UNC5CL: variants seen among roughly 807,000 people sequenced by gnomAD.
UNC5CL encodes UNC5C-like protein.
Under a neutral mutation model 54.1 loss-of-function variants are expected in UNC5CL, and 42 were observed. The ratio of observed to expected loss-of-function variants is 0.78; its 90% CI spans 0.61 to 1.00. The LOEUF (loss-of-function observed/expected upper bound fraction) is 1.00, where lower values mean the gene tolerates loss of function less well. UNC5CL is among the 50% of genes least tolerant of loss of function. The pLI is 0.00. For missense variants in UNC5CL, 619 were observed against 675.6 expected, an observed-to-expected ratio of 0.92 and a Z score of 0.93; for synonymous variants, 285 against 285.1, an observed-to-expected ratio of 1.00 and a Z score of 0.00.
chr6:41,032,205 T>G, intron 4 of UNC5CL, 68 bp from the exon 5 acceptor site: 1 of 1,307,708 alleles, frequency 7.6e-7, no homozygotes, highest in Non-Finnish European at 1.1e-6. Context: ...AAGGGGGCTG[T>G]GGGGAGGCAT....
rs185517949 is a variant in UNC5CL, at chr6:41,026,981, G to A, written c.*1392C>T. ...GTGTTGCCAGAGAGATTGTTTGCCTGCCTTTGAACAAATTAACAACACCTG... is the reference window on the plus strand; with the variant it reads ...GTGTTGCCAGAGAGATTGTTTGCCTACCTTTGAACAAATTAACAACACCTG... On this transcript the variant is annotated 3_prime_UTR_variant, in exon 9 of 9. Coordinates refer to ENST00000244565, the MANE Select transcript of UNC5CL (RefSeq NM_173561.3). 23 of 152,278 alleles carry A rather than the reference G, an allele frequency of 1.5e-4. No individual in the cohort carries two copies. The highest frequency in any genetic ancestry group is 5.5e-4 in the African/African-American group (23 of 41,550). 9.4% of individuals were successfully genotyped at this position (152,278 alleles called of 1,614,324 possible).
At position 41,028,933 on chromosome 6, in the gene UNC5CL, A is replaced by G. The variant is rs1004900443; in HGVS notation, c.1335-338T>C. Among the ~76,000 whole-genome samples the G allele has an allele frequency of 1.6e-5, 2 of 128,396 alleles. No individual in the cohort carries two copies. The highest frequency in any genetic ancestry group is 5.9e-5 in the African/African-American group (2 of 33,718). The allele number at this position is 128,396 out of a possible 152,430, so 84.2% of individuals were successfully genotyped here. On this transcript the variant is annotated intron_variant, in intron 8 of 8. Coordinates refer to ENST00000244565, the MANE Select transcript of UNC5CL (RefSeq NM_173561.3). This position sits in a 1 kb window ranked among gnomAD's most constrained non-coding sequence, Gnocchi z 4.3. ...GCCTTCTCTACCTCCCCCACTCCAA[A>G]TACACCCCTAGCCTCCCCCTAGCCT... is the stretch of plus-strand genomic sequence containing the variant.
At chr6:41,033,243 G>A (rs1295432653) in intron 3 of UNC5CL, 97 bp from the exon 4 acceptor site, 4 of 1,446,366 alleles carry the variant, frequency 2.8e-6, no homozygotes, top group Non-Finnish European at 3.7e-6. Context: ...GCCTCTGTGG[G>A]GCCTTCAAGG....
chr6:41,028,455 C>T lies in UNC5CL; in HGVS notation c.1475G>A (p.Ser492Asn). The change falls in exon 9 of 9, where the codon AGT (serine) becomes AAT (asparagine). Residue 492 changes from serine (S) to asparagine (N), a missense_variant. Ser to Asn is a conservative substitution (Grantham distance 46). Coordinates refer to ENST00000244565, the MANE Select transcript of UNC5CL (RefSeq NM_173561.3). The surrounding 1 kb of genome is among the most constrained non-coding windows in gnomAD (Gnocchi z 4.3). ...DCASAIQNYL[S>N]GTHGGSPGPE... ...GCCTGGGCTGCCGCCGTGTGTCCCA[C>T]TCAGGTAGTTCTGGATGGCGGAGGC... 2 of 1,613,812 alleles carry T rather than the reference C, an allele frequency of 1.2e-6. No homozygotes were observed. Among genetic ancestry groups the T allele is most frequent in the Non-Finnish European group, 1.7e-6 (2 of 1,179,964 alleles).
rs1427818557 is a variant in UNC5CL at position 41,033,026 on chromosome 6, G to T, written c.807C>A (p.Phe269Leu). The change falls in exon 4 of 9, where the codon TTC becomes TTA. Residue 269 changes from phenylalanine (F) to leucine (L), a missense_variant. By Grantham distance (22) the Phe-to-Leu change is conservative. Coordinates refer to ENST00000244565, the MANE Select transcript of UNC5CL (RefSeq NM_173561.3). ...GQSHLQLRIYFLNNTPCALQW... is the reference protein window; with the variant it reads ...GQSHLQLRIYLLNNTPCALQW... ...GCAGGGCGCAGGGCGTGTTGTTGAG[G>T]AAGTAGATACGCAGTTGCAGATGGG... 1.2e-6 allele frequency: 2 copies of T among 1,610,136 alleles called. No homozygotes were observed. Among genetic ancestry groups the T allele is most frequent in the African/African-American group, 1.3e-5 (1 of 74,908 alleles).
rs369228384 is a variant in UNC5CL at position 41,032,048 on chromosome 6, G to C, written c.1039C>G (p.Arg347Gly). Residue 347 changes from arginine to glycine, a missense_variant, in exon 5 of 9, where the codon CGG (arginine) becomes GGG (glycine). Arg to Gly is a moderately radical substitution (Grantham distance 125). Transcript: ENST00000244565. The part of the protein sequence containing the change: ...GKCPFRSFCF[R>G]RKAADENEDC... ...GCTCCCGGACTACCTGCTTTTCTCCGGAAGCAGAAGGAGCGGAAGGGGCAC... is the reference window on the plus strand; with the variant it reads ...GCTCCCGGACTACCTGCTTTTCTCCCGAAGCAGAAGGAGCGGAAGGGGCAC... The C allele has an allele frequency of 6.2e-7, 1 of 1,613,992 alleles. No homozygotes were observed. Among genetic ancestry groups the C allele is most frequent in the Admixed American group, 1.7e-5 (1 of 60,000 alleles).
chr6:41,028,585 AGGACAGGAACCTGGCCCGAGGTAG>A lies in UNC5CL; in HGVS notation c.1335-14_1344del. 6.2e-7 allele frequency: 1 copy of A among 1,613,246 alleles called. No homozygotes were observed. The highest frequency in any genetic ancestry group is 8.5e-7 in the Non-Finnish European group (1 of 1,179,920). Reference sequence around the variant, plus strand: ...ATGGCCGCTGCGGGGCTGCGCTGGCAGGACAGGAACCTGGCCCGAGGTAGGGGAGGAAGAGAAGGGTGTAGGAGC... The same window carrying A: ...ATGGCCGCTGCGGGGCTGCGCTGGCAGGGAGGAAGAGAAGGGTGTAGGAGC... On this transcript the variant is annotated splice_acceptor_variant and splice_polypyrimidine_tract_variant and coding_sequence_variant and intron_variant, in exon 9 of 9. Transcript: ENST00000244565. LOFTEE classifies it high-confidence loss of function. This position sits in a 1 kb window ranked among gnomAD's most constrained non-coding sequence, Gnocchi z 4.3.
At position 41,027,837 on chromosome 6, in the gene UNC5CL, T is replaced by G. The variant is rs1311738988; in HGVS notation, c.*536A>C. ...GCATTCTCGCTGCTCCAGCCCGCAC[T>G]CAGCTCTTCCCCTCTCAACTCCTAA... On this transcript the variant is annotated 3_prime_UTR_variant, in exon 9 of 9. Coordinates refer to ENST00000244565, the MANE Select transcript of UNC5CL (RefSeq NM_173561.3). The G allele has an allele frequency of 6.5e-6, 1 of 152,858 alleles. No individual in the cohort carries two copies. The highest frequency in any genetic ancestry group is 6.5e-5 in the Admixed American group (1 of 15,282). 9.5% of individuals were successfully genotyped at this position (152,858 alleles called of 1,614,324 possible).
In UNC5CL at chr6:41,034,323, C is replaced by G. The variant is rs60229052; in HGVS notation, c.386-142G>C. ...AGGGCACACAGGGAAGTGGTATGAA[C>G]AAGAGTAAGACGACTGTGGAGCTGA... On this transcript the variant is annotated intron_variant, in intron 2 of 8. Transcript: ENST00000244565. The G allele has an allele frequency of 1.4e-3, 1,441 of 1,010,636 alleles. 14 individuals carry two copies. In the African/African-American group the frequency reaches 0.02, roughly 14 times the overall value. 62.6% of individuals were successfully genotyped at this position (1,010,636 alleles called of 1,614,324 possible).
At position 41,035,328 on chromosome 6, in the gene UNC5CL, A is replaced by T. The variant is rs1342519454; in HGVS notation, c.-61-193T>A. Among the ~76,000 whole-genome samples, 4 of 152,216 alleles carry T rather than the reference A, an allele frequency of 2.6e-5. No individual in the cohort carries two copies. The East Asian group carries it at 7.7e-4, about 29-fold the overall frequency. On this transcript the variant is annotated intron_variant, in intron 1 of 8. Coordinates refer to ENST00000244565, the MANE Select transcript of UNC5CL (RefSeq NM_173561.3). Reference sequence around the variant, plus strand: ...CCCCGTGACCTAATACATCAAGGTAAACTGTTCTGAAGCAGAGTGAGCTTG... The same window carrying T: ...CCCCGTGACCTAATACATCAAGGTATACTGTTCTGAAGCAGAGTGAGCTTG...
chr6:41,027,594 TAA>T lies in UNC5CL; in HGVS notation c.*777_*778del. On this transcript the variant is annotated 3_prime_UTR_variant, in exon 9 of 9. Transcript: ENST00000244565. The stretch of plus-strand genomic sequence containing the variant: ...GGAAGACACGGCCTAAGCAGGAGGA[TAA>T]AGAGACAAAGGAAGTTAGTAGAGGC... The T allele has an allele frequency of 6.6e-6, 1 of 152,166 alleles. No homozygotes were observed. The highest frequency in any genetic ancestry group is 3.4e-3 in the Middle Eastern group (1 of 292). 9.4% of individuals were successfully genotyped at this position (152,166 alleles called of 1,614,324 possible).
rs1561828661 is a variant in UNC5CL at position 41,028,829 on chromosome 6, G to A, written c.1335-234C>T. Among the ~76,000 whole-genome samples, 1 of 152,100 alleles carries A rather than the reference G, an allele frequency of 6.6e-6. No individual in the cohort carries two copies. Among genetic ancestry groups the A allele is most frequent in the Non-Finnish European group, 1.5e-5 (1 of 68,008 alleles). Reference sequence around the variant, plus strand: ...AACTCTGACCCCTACTCCTCTCTAGGCTTCAGTTTCCTCTTATTAAGATGA... The same window carrying A: ...AACTCTGACCCCTACTCCTCTCTAGACTTCAGTTTCCTCTTATTAAGATGA... On this transcript the variant is annotated intron_variant, in intron 8 of 8. Coordinates refer to ENST00000244565, the MANE Select transcript of UNC5CL (RefSeq NM_173561.3). The surrounding 1 kb of genome is among the most constrained non-coding windows in gnomAD (Gnocchi z 4.3).
rs1270970031 is a variant in UNC5CL, at chr6:41,030,488, G to A, written c.1234C>T (p.Leu412Phe). 6.2e-7 allele frequency: 1 copy of A among 1,614,210 alleles called. No individual in the cohort carries two copies. The highest frequency in any genetic ancestry group is 8.5e-7 in the Non-Finnish European group (1 of 1,180,044). The change falls in exon 8 of 9, where the codon CTC (leucine) becomes TTC (phenylalanine). Residue 412 changes from leucine (L) to phenylalanine (F), a missense_variant. Transcript: ENST00000244565. ...PPPCNRLPPE[L>F]FEQLRMLLEP... Reference sequence around the variant, plus strand: ...AATAACATCCGCAGCTGCTCAAAGAGCTCTGGGGGCAGCCTTAGGCAGGGA... The same window carrying A: ...AATAACATCCGCAGCTGCTCAAAGAACTCTGGGGGCAGCCTTAGGCAGGGA...
intron 2 of UNC5CL, 113 bp from the exon 3 acceptor site, chr6:41,034,294 C>A: frequency 8.1e-7 from 1 of 1,237,812 alleles, no homozygotes. Flanking sequence ...GAGAGACCCC[C>A]AGCAGGGCAC....
Position 41,034,681 on chromosome 6 carries a change from A to G in UNC5CL, c.385+9T>C. On this transcript the variant is annotated intron_variant, in intron 2 of 8. Coordinates refer to ENST00000244565, the MANE Select transcript of UNC5CL (RefSeq NM_173561.3). ...ACTGTATGCGGAGATGAGAGCCAGG[A>G]GCTGTTACCTGGTGGGATGAGCAAG... is the stretch of plus-strand genomic sequence containing the variant. 1 of 1,598,878 alleles carries G rather than the reference A, an allele frequency of 6.3e-7. No homozygotes were observed. The highest frequency in any genetic ancestry group is 1.3e-5 in the African/African-American group (1 of 75,008).
intron 1 of UNC5CL, among the ~76,000 whole-genome samples, chr6:41,036,986 A>G (rs747571890): frequency 1.3e-5 from 2 of 148,526 alleles, no homozygotes; most frequent in African/African-American, 5.0e-5. Flanking sequence ...TAGCCTGCCC[A>G]GGCTCCCCAC....
chr6:41,029,886 G>A lies in UNC5CL; in HGVS notation c.1334+502C>T, dbSNP rs1762432737. On this transcript the variant is annotated intron_variant, in intron 8 of 8. Coordinates refer to ENST00000244565, the MANE Select transcript of UNC5CL (RefSeq NM_173561.3). This position sits in a 1 kb window ranked among gnomAD's most constrained non-coding sequence, Gnocchi z 4.1. ...AAATCCACCCTGTTTTCAGGGTCCA[G>A]CTCTAGCCCCATCACCAGGATAAAG... is the stretch of plus-strand genomic sequence containing the variant. Among the ~76,000 whole-genome samples the A allele has an allele frequency of 6.6e-6, 1 of 152,170 alleles. No individual in the cohort carries two copies. The highest frequency in any genetic ancestry group is 6.5e-5 in the Admixed American group (1 of 15,270).
At position 41,028,101 on chromosome 6, in the gene UNC5CL, T is replaced by G; in HGVS notation, c.*272A>C. 2.0e-6 allele frequency: 1 copy of G among 501,812 alleles called. No homozygotes were observed. The highest frequency in any genetic ancestry group is 2.6e-5 in the South Asian group (1 of 38,008). The allele number at this position is 501,812 out of a possible 1,614,324, so 31.1% of individuals were successfully genotyped here. Reference sequence around the variant, plus strand: ...GCACGCGGGGACCGTGGCCGTCCCCTGGTCAGTTTGGCAGGCTGGCCACGC... The same window carrying G: ...GCACGCGGGGACCGTGGCCGTCCCCGGGTCAGTTTGGCAGGCTGGCCACGC... On this transcript the variant is annotated 3_prime_UTR_variant, in exon 9 of 9. Coordinates refer to ENST00000244565, the MANE Select transcript of UNC5CL (RefSeq NM_173561.3). The surrounding 1 kb of genome is among the most constrained non-coding windows in gnomAD (Gnocchi z 4.3).
At chr6:41,032,170 A>C in intron 4 of UNC5CL, 33 bp from the exon 5 acceptor site, 1 of 1,568,022 alleles carries the variant, frequency 6.4e-7, no homozygotes, top group Non-Finnish European at 8.8e-7. Flanking sequence ...AGGGCCTCAG[A>C]GAGTGGGGCC....
Sources: gnomAD v4.1 joint callset for allele counts (sites outside exome capture counted in the v4.1 genomes callset) on GRCh38, gnomAD v4.1.1 for gene constraint, Gnocchi (gnomAD v3.1) non-coding constraint, MANE v1.5 for transcripts, NCBI Gene and HGNC (gene_info 2026-07-23, HGNC 2026-07-21) for gene names.